CDC40: variants seen among roughly 807,000 people sequenced by gnomAD.
The protein encoded by CDC40 is cell division cycle 40, also known as pre-mRNA-processing factor 17.
Under a neutral mutation model 80.6 loss-of-function variants are expected in CDC40, and 27 were observed. The ratio of observed to expected loss-of-function variants is 0.33; its 90% CI spans 0.25 to 0.46. CDC40 has a LOEUF of 0.46. Ranked by LOEUF, CDC40 falls within the 20% of genes least tolerant of loss-of-function variation. The pLI is 1.00. For missense variants in CDC40, 486 were observed against 694.1 expected (o/e 0.70, Z 3.37); for synonymous variants, 221 against 232.6 (o/e 0.95, Z 0.45).
intron 1 of CDC40, among the ~76,000 whole-genome samples, chr6:110,182,149 C>G (rs1297779251): frequency 6.6e-6 from 1 of 152,214 alleles, no homozygotes; most frequent in East Asian, 1.9e-4. Context: ...TACTTAAATG[C>G]TCTGTACCTA....
In CDC40 at chr6:110,230,260, A is replaced by C. The variant is rs1231845798; in HGVS notation, c.*129A>C. 8.4e-6 allele frequency: 5 copies of C among 597,258 alleles called. No homozygotes were observed. The highest frequency in any genetic ancestry group is 1.4e-5 in the Non-Finnish European group (5 of 350,446). The allele number at this position is 597,258 out of a possible 1,614,324, so 37.0% of individuals were successfully genotyped here. On this transcript the variant is annotated 3_prime_UTR_variant, in exon 15 of 15. Coordinates refer to ENST00000307731, the MANE Select transcript of CDC40 (RefSeq NM_015891.3). The stretch of plus-strand genomic sequence containing the variant: ...GATGACATTGACCCTTTGTTTAAAA[A>C]AAGAAACTGTAAATTTGACATAATT...
chr6:110,229,060 C>A, intron 14 of CDC40, 84 bp downstream of exon 14: 1 of 1,059,264 alleles, frequency 9.4e-7, no homozygotes, highest in Non-Finnish European at 1.4e-6. Context: ...TGACACATCA[C>A]TCTCACATAA....
chr6:110,222,429 C>T (rs1777789718), intron 12 of CDC40, among the ~76,000 whole-genome samples: 1 of 150,656 alleles, frequency 6.6e-6, no homozygotes, highest in South Asian at 2.1e-4. Context: ...TGGTGGCAGG[C>T]GCGTGTAATC....
chr6:110,231,697 A>G lies in CDC40; in HGVS notation c.*1566A>G, dbSNP rs1562209767. 1 of 151,956 alleles carries G rather than the reference A, an allele frequency of 6.6e-6. No homozygotes were observed. 9.4% of individuals were successfully genotyped at this position (151,956 alleles called of 1,614,324 possible). ...AAGATCAAAATCATGTCTCTTGCTG[A>G]TAACCTAAGAGCATTAAGCTCTGAG... On this transcript the variant is annotated 3_prime_UTR_variant, in exon 15 of 15. Transcript: ENST00000307731.
intron 1 of CDC40, among the ~76,000 whole-genome samples, 181 bp from the exon 2 acceptor site, chr6:110,192,998 AAAG>A (rs1391824267): frequency 6.6e-6 from 1 of 152,216 alleles, no homozygotes; most frequent in Non-Finnish European, 1.5e-5. Flanking sequence ...AGTATTTCAA[AAAG>A]AAACTTTTTT....
Position 110,210,794 on chromosome 6 carries a change from A to C in CDC40, c.718A>C (p.Ile240Leu). ...AGAGAAACCTGGGGAGGAGAAGACA[A>C]TCTTACATGGTAACATATTTTTTGT... ...EEEKPGEEKT[I>L]LHVKEMYDYQ... is the part of the protein sequence containing the mutation. The change falls in exon 6 of 15, where the codon ATC (isoleucine) becomes CTC (leucine). Residue 240 changes from isoleucine (I) to leucine (L), a missense_variant. Physicochemically the swap from Ile to Leu is conservative, Grantham distance 5 (BLOSUM62 2). Transcript: ENST00000307731. 1 of 1,539,162 alleles carries C rather than the reference A, an allele frequency of 6.5e-7. No individual in the cohort carries two copies. The highest frequency in any genetic ancestry group is 8.8e-7 in the Non-Finnish European group (1 of 1,138,820).
At chr6:110,207,717 A>T in intron 4 of CDC40, 128 bp downstream of exon 4, 1 of 603,396 alleles carries the variant, frequency 1.7e-6, no homozygotes, top group Non-Finnish European at 3.0e-6. Flanking sequence ...GAAACAATGG[A>T]GCGATACAGT....
chr6:110,202,461 A>G (rs550341387), intron 3 of CDC40, among the ~76,000 whole-genome samples: 1 of 152,344 alleles, frequency 6.6e-6, no homozygotes, highest in African/African-American at 2.4e-5. Context: ...TGATTTTGTT[A>G]TATTCTAACC....
intron 8 of CDC40, among the ~76,000 whole-genome samples, 178 bp downstream of exon 8, chr6:110,213,338 T>C (rs959878991): frequency 2.6e-5 from 4 of 152,180 alleles, no homozygotes; most frequent in African/African-American, 9.6e-5. Context: ...ACTATGGCTC[T>C]GTGGTCCAAT....
chr6:110,215,148 G>A, intron 8 of CDC40, 138 bp from the exon 9 acceptor site: 2 of 658,276 alleles, frequency 3.0e-6, no homozygotes, highest in South Asian at 1.9e-5. Context: ...GATATTCAGT[G>A]TTTAATATTT....
At chr6:110,191,511 A>T (rs1043069711) in intron 1 of CDC40, among the ~76,000 whole-genome samples, 1 of 152,218 alleles carries the variant, frequency 6.6e-6, no homozygotes, top group Non-Finnish European at 1.5e-5. Context: ...GATAATATAT[A>T]TATCCACTGA....
At chr6:110,201,795 C>T (rs1777496623) in intron 3 of CDC40, 108 bp downstream of exon 3, 1 of 869,846 alleles carries the variant, frequency 1.1e-6, no homozygotes, top group Middle Eastern at 2.5e-4. Flanking sequence ...TGGATTCCTT[C>T]AGAAAGGATA....
At chr6:110,206,282 G>A (rs1458901823) in intron 3 of CDC40, among the ~76,000 whole-genome samples, 1 of 152,036 alleles carries the variant, frequency 6.6e-6, no homozygotes, top group Non-Finnish European at 1.5e-5. Context: ...GGACTACTTT[G>A]GATGAAAAAT....
At chr6:110,201,136 A>G (rs1308444558) in intron 2 of CDC40, among the ~76,000 whole-genome samples, 1 of 152,174 alleles carries the variant, frequency 6.6e-6, no homozygotes, top group Non-Finnish European at 1.5e-5. Flanking sequence ...AGAAACATGT[A>G]GTTTTTAAAA....
At position 110,232,094 on chromosome 6, in the gene CDC40, G is replaced by A. The variant is rs1584089146; in HGVS notation, c.*1963G>A. ...CTTGTTCAGCATACCAATATTGTAT[G>A]TTACAAATCATCATTTCTAAATCTG... On this transcript the variant is annotated 3_prime_UTR_variant, in exon 15 of 15. Transcript: ENST00000307731. 2 of 151,996 alleles carry A rather than the reference G, an allele frequency of 1.3e-5. No homozygotes were observed. The highest frequency in any genetic ancestry group is 3.9e-4 in the East Asian group (2 of 5,176). The allele number at this position is 151,996 out of a possible 1,614,324, so 9.4% of individuals were successfully genotyped here.
chr6:110,212,312 A>T lies in CDC40; in HGVS notation c.867+40A>T, dbSNP rs374568137. The T allele has an allele frequency of 4.4e-6, 7 of 1,601,684 alleles. No individual in the cohort carries two copies. The African/African-American group carries it at 9.4e-5, about 21-fold the overall frequency. On this transcript the variant is annotated intron_variant, in intron 7 of 14. Transcript: ENST00000307731. ...TGTTTCTGTTTGCTGTAATGTTATA[A>T]TAATGAAGCCAACGTAAAGTTTTAG...
At chr6:110,210,400 A>T (rs1469815804) in intron 5 of CDC40, among the ~76,000 whole-genome samples, 2 of 151,664 alleles carry the variant, frequency 1.3e-5, no homozygotes, top group African/African-American at 4.9e-5. Context: ...AACAGAAAAA[A>T]TTAGCCAGGC....
At chr6:110,181,825 C>T (rs1233103942) in intron 1 of CDC40, among the ~76,000 whole-genome samples, 2 of 152,192 alleles carry the variant, frequency 1.3e-5, no homozygotes, top group African/African-American at 4.8e-5. Flanking sequence ...AGCCATCTGA[C>T]TTAAATGTCT....
At chr6:110,219,219 A>G (rs528333264) in intron 10 of CDC40, 145 bp from the exon 11 acceptor site, 22 of 445,606 alleles carry the variant, frequency 4.9e-5, no homozygotes, top group Admixed American at 3.7e-4. Context: ...TCTGTGAAAA[A>G]GAACAAATGT....
Sources: allele counts gnomAD v4.1 joint callset (sites outside exome capture counted in the v4.1 genomes callset), GRCh38; gene constraint gnomAD v4.1.1; transcripts MANE v1.5; gene names NCBI Gene and HGNC (gene_info 2026-07-23, HGNC 2026-07-21).